The following ACSS3 variants were observed in gnomAD, a reference collection of about 807,000 sequenced individuals.
ACSS3 encodes the protein acyl-CoA synthetase short-chain family member 3, mitochondrial.
Under a neutral mutation model 84.2 loss-of-function variants are expected in ACSS3, and 64 were observed. The ratio of observed to expected loss-of-function variants is 0.76; its 90% confidence interval spans 0.62 to 0.94. The LOEUF is 0.94. ACSS3 is among the 40% of genes least tolerant of loss of function. The pLI is 0.00. For missense variants in ACSS3, 815 were observed against 867.6 expected (o/e 0.94, Z 0.76); for synonymous variants, 317 against 310.1 (o/e 1.02, Z -0.23).
chr12:81,082,111 T>C (rs887652502), intron 1 of ACSS3, among the ~76,000 whole-genome samples: 2 of 152,192 alleles, frequency 1.3e-5, no homozygotes, highest in Admixed American at 6.5e-5. Context: ...TGTGCAGGTT[T>C]GTTATATGGA....
intron 1 of ACSS3, among the ~76,000 whole-genome samples, chr12:81,109,295 A>G (rs1306692329): frequency 1.3e-5 from 2 of 152,186 alleles, no homozygotes; most frequent in Non-Finnish European, 2.9e-5. Context: ...ATCCTAAGCA[A>G]TAAAATCCAC....
chr12:81,115,863 C>A (rs1299861191), intron 2 of ACSS3, among the ~76,000 whole-genome samples: 1 of 152,134 alleles, frequency 6.6e-6, no homozygotes, highest in African/African-American at 2.4e-5. Flanking sequence ...GGTCTACACT[C>A]TCTCAGTTTC....
In ACSS3 at chr12:81,078,577, T is replaced by C. The variant is rs990824264; in HGVS notation, c.311+146T>C. Reference sequence around the variant, plus strand: ...TTCAGACCCCTCAATTCGTGTTTCATTTCAATTTCATAGTCAGTTCTCTTG... The same window carrying C: ...TTCAGACCCCTCAATTCGTGTTTCACTTCAATTTCATAGTCAGTTCTCTTG... On this transcript the variant is annotated intron_variant, in intron 1 of 15. Transcript: ENST00000548058. 3.3e-6 allele frequency: 3 copies of C among 906,374 alleles called. No homozygotes were observed. In the Admixed American group the frequency reaches 8.4e-5, roughly 25 times the overall value. The allele number at this position is 906,374 out of a possible 1,614,324, so 56.1% of individuals were successfully genotyped here.
chr12:81,169,137 T>C (rs1319571710), intron 7 of ACSS3, among the ~76,000 whole-genome samples: 1 of 152,152 alleles, frequency 6.6e-6, no homozygotes, highest in Non-Finnish European at 1.5e-5. Context: ...ATTTGAGTAA[T>C]GTTAGATGGT....
At chr12:81,148,592 T>C (rs975132514) in intron 5 of ACSS3, among the ~76,000 whole-genome samples, 2 of 152,170 alleles carry the variant, frequency 1.3e-5, no homozygotes, top group East Asian at 1.9e-4. Flanking sequence ...TTCATGTCTT[T>C]ATTCAGGGCA....
intron 1 of ACSS3, among the ~76,000 whole-genome samples, chr12:81,091,750 T>G (rs551089626): frequency 6.6e-6 from 1 of 152,244 alleles, no homozygotes; most frequent in African/African-American, 2.4e-5. Context: ...TCTTAAATTC[T>G]AAAAGATGAT....
intron 1 of ACSS3, among the ~76,000 whole-genome samples, chr12:81,108,504 T>C (rs4417376): frequency 0.4 from 61,259 of 151,610 alleles, 14,017 homozygotes; most frequent in Non-Finnish European, 0.53. Flanking sequence ...GTCTTGAACT[T>C]CTGACCTCGT....
chr12:81,168,814 T>C (rs978172566), intron 7 of ACSS3, among the ~76,000 whole-genome samples: 1 of 152,206 alleles, frequency 6.6e-6, no homozygotes, highest in Non-Finnish European at 1.5e-5. Flanking sequence ...AGCTCATTTA[T>C]TTATAACAAA....
In ACSS3 at chr12:81,175,942, A is replaced by G. The variant is rs549410750; in HGVS notation, c.1250+1003A>G. On this transcript the variant is annotated intron_variant, in intron 8 of 15. Coordinates refer to ENST00000548058, the MANE Select transcript of ACSS3 (RefSeq NM_024560.4). ...ACAATGTAATGTCACACCCCGAGGAACTAGAAAAACCAGAGCGGACCATTC... is the reference window on the plus strand; with the variant it reads ...ACAATGTAATGTCACACCCCGAGGAGCTAGAAAAACCAGAGCGGACCATTC... Among the ~76,000 whole-genome samples the G allele has an allele frequency of 3.3e-5, 5 of 152,282 alleles. No homozygotes were observed. In the South Asian group the frequency reaches 1.0e-3, roughly 32 times the overall value.
At chr12:81,178,732 A>T (rs2030683423) in intron 8 of ACSS3, among the ~76,000 whole-genome samples, 1 of 152,220 alleles carries the variant, frequency 6.6e-6, no homozygotes. Flanking sequence ...AAAGCAATTT[A>T]CAGATTAAAT....
At chr12:81,194,074 A>AT (rs899591303) in intron 8 of ACSS3, among the ~76,000 whole-genome samples, 52 of 149,056 alleles carry the variant, frequency 3.5e-4, no homozygotes, top group Admixed American at 1.2e-3. Flanking sequence ...AAAGGTTACT[A>AT]TTTTTTTTTT....
chr12:81,175,634 A>G (rs1362645711), intron 8 of ACSS3, among the ~76,000 whole-genome samples: 1 of 151,774 alleles, frequency 6.6e-6, no homozygotes, highest in Non-Finnish European at 1.5e-5. Flanking sequence ...TCAACAAATT[A>G]AAAAAACATA....
intron 1 of ACSS3, among the ~76,000 whole-genome samples, chr12:81,102,043 A>ATG (rs1555244380): frequency 2.4e-5 from 1 of 41,664 alleles, no homozygotes; most frequent in South Asian, 1.5e-3. Flanking sequence ...TTTTATGCAC[A>ATG]CGCACACACA....
intron 2 of ACSS3, among the ~76,000 whole-genome samples, chr12:81,123,720 A>G (rs1489411207): frequency 6.6e-6 from 1 of 152,004 alleles, no homozygotes; most frequent in Non-Finnish European, 1.5e-5. Context: ...AACATGCCAT[A>G]TTTGGTTTTC....
chr12:81,253,635 G>A lies in ACSS3; in HGVS notation c.1960G>A (p.Ala654Thr), dbSNP rs1274461760. The change falls in exon 15 of 16, where the codon GCT becomes ACT. Residue 654 changes from alanine to threonine, a missense_variant. Physicochemically the swap from Ala to Thr is moderately conservative, Grantham distance 58. Coordinates refer to ENST00000548058, the MANE Select transcript of ACSS3 (RefSeq NM_024560.4). ...CAGATCTGGCAAGATCCCCCGATCA[G>A]CTTTATCTGCCATTGTCAATGGCAA... ...KTRSGKIPRS[A>T]LSAIVNGKPY... 1.2e-6 allele frequency: 2 copies of A among 1,613,784 alleles called. No homozygotes were observed. Among genetic ancestry groups the A allele is most frequent in the Non-Finnish European group, 1.7e-6 (2 of 1,179,832 alleles).
intron 7 of ACSS3, among the ~76,000 whole-genome samples, chr12:81,172,528 C>T (rs182900464): frequency 1.7e-3 from 260 of 151,800 alleles, no homozygotes; most frequent in Non-Finnish European, 3.2e-3. Context: ...CCCAGCTACT[C>T]GGGAGGCTGA....
At chr12:81,158,626 G>A (rs575047805) in intron 7 of ACSS3, among the ~76,000 whole-genome samples, 35 of 151,978 alleles carry the variant, frequency 2.3e-4, no homozygotes, top group African/African-American at 8.2e-4. Flanking sequence ...AAGGTACAAC[G>A]TGCTCCTGTC....
chr12:81,254,666 GTTTA>G (rs2034251523), intron 15 of ACSS3, among the ~76,000 whole-genome samples, 187 bp from the exon 16 acceptor site: 1 of 152,044 alleles, frequency 6.6e-6, no homozygotes, highest in Non-Finnish European at 1.5e-5. Context: ...TAACTGAACT[GTTTA>G]TTTTTTTACT....
intron 3 of ACSS3, among the ~76,000 whole-genome samples, chr12:81,138,826 G>C (rs998057731): frequency 1.3e-5 from 2 of 152,092 alleles, no homozygotes; most frequent in African/African-American, 4.8e-5. Flanking sequence ...GATTTGCATT[G>C]TACTAGTTTA....
Sources: gnomAD v4.1 joint callset for allele counts (sites outside exome capture counted in the v4.1 genomes callset) on GRCh38, gnomAD v4.1.1 for gene constraint, MANE v1.5 for transcripts, NCBI Gene and HGNC (gene_info 2026-07-23, HGNC 2026-07-21) for gene names.